ROBO1: variants seen among roughly 807,000 people sequenced by gnomAD.
ROBO1 encodes the protein roundabout guidance receptor 1, also known as roundabout homolog 1.
A neutral mutation model predicts 195.9 loss-of-function variants in ROBO1; 149 were observed. The ratio of observed to expected loss-of-function variants is 0.76; its 90% CI spans 0.67 to 0.87. The LOEUF (loss-of-function observed/expected upper bound fraction) is 0.87. Ranked by LOEUF, ROBO1 falls within the 40% of genes least tolerant of loss-of-function variation. The pLI is 0.00. For missense variants in ROBO1, 1,933 were observed against 2,068.3 expected, an observed-to-expected ratio of 0.93 and a Z score of 1.27; for synonymous variants, 816 against 733.2, an observed-to-expected ratio of 1.11 and a Z score of -1.82.
At chr3:78,824,464 T>G (rs2031384140) in intron 4 of ROBO1, among the ~76,000 whole-genome samples, 1 of 152,206 alleles carries the variant, frequency 6.6e-6, no homozygotes, top group African/African-American at 2.4e-5. Context: ...GTAAAACTTT[T>G]CCTCTTTTTG....
At chr3:79,053,859 A>C (rs1476136032) in intron 3 of ROBO1, among the ~76,000 whole-genome samples, 1 of 152,142 alleles carries the variant, frequency 6.6e-6, no homozygotes, top group Non-Finnish European at 1.5e-5. Flanking sequence ...TTATCCGGTC[A>C]TGCTAGAACC....
At position 78,599,077 on chromosome 3, in the gene ROBO1, C is replaced by G. The variant is rs1703010872; in HGVS notation, c.4942-150G>C. On this transcript the variant is annotated intron_variant, in intron 30 of 30. Coordinates refer to ENST00000464233, the MANE Select transcript of ROBO1 (RefSeq NM_002941.4). ...TGGAAAGGGCTCATGTCAACTAATTCATTCATCAACCTTAATTGGTCTTCA... is the reference window on the plus strand; with the variant it reads ...TGGAAAGGGCTCATGTCAACTAATTGATTCATCAACCTTAATTGGTCTTCA... 6.3e-6 allele frequency: 3 copies of G among 473,660 alleles called. No individual in the cohort carries two copies. The East Asian group carries it at 1.0e-4, about 16-fold the overall frequency. The allele number at this position is 473,660 out of a possible 1,614,324, so 29.3% of individuals were successfully genotyped here.
intron 2 of ROBO1, among the ~76,000 whole-genome samples, chr3:79,454,126 C>A (rs2039536504): frequency 7.2e-6 from 1 of 137,934 alleles, no homozygotes; most frequent in South Asian, 2.4e-4. Flanking sequence ...TAATTAATTT[C>A]ATTCCTTTTT....
chr3:79,287,663 A>T (rs2031970927), intron 2 of ROBO1, among the ~76,000 whole-genome samples: 1 of 152,120 alleles, frequency 6.6e-6, no homozygotes, highest in Non-Finnish European at 1.5e-5. Flanking sequence ...AAGTTTATGA[A>T]CTACAATCCT....
At chr3:79,167,192 A>G (rs1169296661) in intron 2 of ROBO1, among the ~76,000 whole-genome samples, 2 of 152,064 alleles carry the variant, frequency 1.3e-5, no homozygotes, top group Non-Finnish European at 2.9e-5. Context: ...TAATAGCACA[A>G]AAGCATTTCC....
intron 2 of ROBO1, among the ~76,000 whole-genome samples, chr3:79,216,309 A>G (rs142213535): frequency 0.011 from 1,628 of 152,196 alleles, 13 homozygotes; most frequent in Non-Finnish European, 0.018. Context: ...AGGGCTAGGA[A>G]GAAGGGAACA....
chr3:79,140,570 T>C (rs2080504309), intron 2 of ROBO1, among the ~76,000 whole-genome samples: 1 of 152,104 alleles, frequency 6.6e-6, no homozygotes, highest in South Asian at 2.1e-4. Flanking sequence ...AATAAGAAGT[T>C]AGTAAAAGTT....
chr3:78,708,847 T>C (rs962880237), intron 8 of ROBO1, among the ~76,000 whole-genome samples: 1 of 152,160 alleles, frequency 6.6e-6, no homozygotes, highest in African/African-American at 2.4e-5. Context: ...GAAACACCAC[T>C]TCAGTGAATA....
At chr3:78,692,333 A>T (rs2081193761) in intron 8 of ROBO1, among the ~76,000 whole-genome samples, 1 of 152,108 alleles carries the variant, frequency 6.6e-6, no homozygotes, top group East Asian at 1.9e-4. Flanking sequence ...GCAGTGGCAC[A>T]ATCATGGCTC....
intron 3 of ROBO1, among the ~76,000 whole-genome samples, chr3:79,042,884 G>A (rs1003702759): frequency 8.6e-5 from 13 of 152,046 alleles, no homozygotes; most frequent in Non-Finnish European, 1.6e-4. Context: ...CCATTTTACT[G>A]CCAAATGTCA....
chr3:78,924,122 C>T (rs1289477675), intron 4 of ROBO1, among the ~76,000 whole-genome samples: 1 of 151,646 alleles, frequency 6.6e-6, no homozygotes, highest in Non-Finnish European at 1.5e-5. Flanking sequence ...TGATGTATAG[C>T]TATGAGAAAT....
At chr3:79,573,813 C>A (rs996039291) in intron 2 of ROBO1, among the ~76,000 whole-genome samples, 1 of 152,108 alleles carries the variant, frequency 6.6e-6, no homozygotes, top group African/African-American at 2.4e-5. Context: ...CTCCTTTGAT[C>A]AATCAAAAAC....
At chr3:78,617,188 C>T (rs1055858726) in intron 27 of ROBO1, among the ~76,000 whole-genome samples, 4 of 152,016 alleles carry the variant, frequency 2.6e-5, no homozygotes, top group South Asian at 2.1e-4. Flanking sequence ...TGTATTTTCC[C>T]TACAGAATTT....
intron 1 of ROBO1, among the ~76,000 whole-genome samples, chr3:79,766,081 C>T (rs1248028904): frequency 7.0e-6 from 1 of 143,834 alleles, no homozygotes; most frequent in East Asian, 2.1e-4. Context: ...GCCTCCTGCC[C>T]TGCCCTTTCC....
chr3:79,568,488 A>C (rs991609160), intron 2 of ROBO1, among the ~76,000 whole-genome samples: 1 of 151,474 alleles, frequency 6.6e-6, no homozygotes, highest in Non-Finnish European at 1.5e-5. Flanking sequence ...TTGAAAAAAA[A>C]AAAAAAACAG....
At chr3:78,714,653 G>T in intron 7 of ROBO1, 129 bp from the exon 8 acceptor site, 4 of 775,892 alleles carry the variant, frequency 5.2e-6, no homozygotes, top group South Asian at 3.1e-5. Flanking sequence ...AGTAAAACAT[G>T]GTATTCCTCT....
At chr3:79,294,057 CAAAAAAAA>C (rs71631641) in intron 2 of ROBO1, among the ~76,000 whole-genome samples, 2 of 29,058 alleles carry the variant, frequency 6.9e-5, no homozygotes, top group Non-Finnish European at 1.3e-4. Context: ...GACTCCATCT[CAAAAAAAA>C]AAAAAAAAAA....
chr3:79,105,522 G>GA (rs932017822), intron 3 of ROBO1, among the ~76,000 whole-genome samples: 1 of 151,112 alleles, frequency 6.6e-6, no homozygotes, highest in Non-Finnish European at 1.5e-5. Context: ...ACCTATAGGT[G>GA]AAAAAAAAGT....
intron 4 of ROBO1, among the ~76,000 whole-genome samples, chr3:78,857,684 C>G (rs331161): frequency 0.29 from 44,762 of 151,962 alleles, 6,735 homozygotes; most frequent in Non-Finnish European, 0.33. Context: ...TGTGTTTTAT[C>G]AAGCCCTCCA....
Sources: allele counts gnomAD v4.1 joint callset (sites outside exome capture counted in the v4.1 genomes callset), GRCh38; gene constraint gnomAD v4.1.1; transcripts MANE v1.5; gene names NCBI Gene and HGNC (gene_info 2026-07-23, HGNC 2026-07-21).